Variants in SPOCK1 observed in about 807,000 individuals in gnomAD.
SPOCK1 encodes testican-1.
Under a neutral mutation model 55.3 loss-of-function variants are expected in SPOCK1, and 23 were observed. The ratio of observed to expected loss-of-function variants is 0.42; its 90% confidence interval spans 0.30 to 0.59. The LOEUF (loss-of-function observed/expected upper bound fraction) is 0.59, where lower values mean the gene tolerates loss of function less well. SPOCK1 is among the 20% of genes least tolerant of loss of function. The pLI is 0.22. For synonymous variants in SPOCK1, 226 were observed against 221.0 expected (o/e 1.02, Z -0.20); for missense variants, 499 against 552.5 (o/e 0.90, Z 0.97).
intron 2 of SPOCK1, among the ~76,000 whole-genome samples, chr5:137,311,830 T>A (rs2127142669): frequency 6.6e-6 from 1 of 152,316 alleles, no homozygotes; most frequent in African/African-American, 2.4e-5. Context: ...CTGTACCCAG[T>A]CTTTTGTAAC....
intron 5 of SPOCK1, among the ~76,000 whole-genome samples, chr5:137,074,956 G>A (rs183420880): frequency 1.8e-4 from 27 of 152,138 alleles, no homozygotes; most frequent in Non-Finnish European, 2.6e-4. Context: ...GCCCACCTCG[G>A]CCTCCCAAAG....
intron 2 of SPOCK1, among the ~76,000 whole-genome samples, chr5:137,377,723 G>T (rs764421439): frequency 6.6e-6 from 1 of 152,136 alleles, no homozygotes; most frequent in Non-Finnish European, 1.5e-5. Flanking sequence ...ATGACCATCA[G>T]CTGTAGAAGG....
chr5:137,394,576 C>G (rs182675698), intron 2 of SPOCK1, among the ~76,000 whole-genome samples: 38 of 152,340 alleles, frequency 2.5e-4, no homozygotes, highest in Non-Finnish European at 5.3e-4. Flanking sequence ...AAGCCTCCCA[C>G]AGGCTATACC....
intron 3 of SPOCK1, among the ~76,000 whole-genome samples, chr5:137,165,066 G>A (rs1400802682): frequency 6.6e-6 from 1 of 152,188 alleles, no homozygotes; most frequent in Non-Finnish European, 1.5e-5. Context: ...AGGACTTTGA[G>A]CAAACATAAG....
chr5:137,378,413 C>T (rs1379062430), intron 2 of SPOCK1, among the ~76,000 whole-genome samples: 1 of 152,228 alleles, frequency 6.6e-6, no homozygotes, highest in African/African-American at 2.4e-5. Flanking sequence ...CATAACAACT[C>T]CAGCTCCATA....
chr5:137,021,405 TA>T (rs1427565470), intron 6 of SPOCK1, among the ~76,000 whole-genome samples: 4 of 151,522 alleles, frequency 2.6e-5, no homozygotes, highest in African/African-American at 9.7e-5. Context: ...ATATGATAGT[TA>T]GCACGAAATA....
intron 2 of SPOCK1, among the ~76,000 whole-genome samples, chr5:137,402,313 C>T (rs1752000112): frequency 6.6e-6 from 1 of 152,182 alleles, no homozygotes; most frequent in South Asian, 2.1e-4. Context: ...GGTTAATATG[C>T]TTATGGCATT....
chr5:137,177,423 G>A (rs1324653547), intron 3 of SPOCK1, among the ~76,000 whole-genome samples: 2 of 152,072 alleles, frequency 1.3e-5, no homozygotes. Context: ...CAACAGCTGG[G>A]TTAAAGAGCT....
At chr5:137,148,881 A>C (rs1175867031) in intron 3 of SPOCK1, among the ~76,000 whole-genome samples, 1 of 152,178 alleles carries the variant, frequency 6.6e-6, no homozygotes, top group Non-Finnish European at 1.5e-5. Context: ...ATAACTTCTG[A>C]TGGGGATAAA....
chr5:137,133,084 C>T (rs1174214888), intron 4 of SPOCK1, among the ~76,000 whole-genome samples: 1 of 152,100 alleles, frequency 6.6e-6, no homozygotes, highest in Non-Finnish European at 1.5e-5. Context: ...AAAATGTATT[C>T]GTAGGCCAGG....
chr5:137,349,332 C>A (rs1322726534), intron 2 of SPOCK1, among the ~76,000 whole-genome samples: 1 of 152,150 alleles, frequency 6.6e-6, no homozygotes, highest in Non-Finnish European at 1.5e-5. Context: ...TTGAAAGCAT[C>A]TATTTAAATA....
At chr5:137,136,404 A>T (rs1036215301) in intron 4 of SPOCK1, among the ~76,000 whole-genome samples, 1 of 152,192 alleles carries the variant, frequency 6.6e-6, no homozygotes, top group Non-Finnish European at 1.5e-5. Flanking sequence ...AAAAAAAATT[A>T]TATCTATAAA....
chr5:137,120,539 T>C (rs920281983), intron 4 of SPOCK1, among the ~76,000 whole-genome samples: 6 of 152,178 alleles, frequency 3.9e-5, no homozygotes, highest in Non-Finnish European at 8.8e-5. Flanking sequence ...GATGAGAGGA[T>C]TGAACAGCCT....
Position 137,449,094 on chromosome 5 carries a change from C to T in SPOCK1, c.186+49279G>A, listed in dbSNP as rs1048121516. ...CTGCTAAGAAGCCAGGAAGGAGATGCTTGGCTTCAGCCCCCAGGACAGTTG... is the reference window on the plus strand; with the variant it reads ...CTGCTAAGAAGCCAGGAAGGAGATGTTTGGCTTCAGCCCCCAGGACAGTTG... On this transcript the variant is annotated intron_variant, in intron 2 of 10. Transcript: ENST00000394945. Among the ~76,000 whole-genome samples, 3 of 152,236 alleles carry T rather than the reference C, an allele frequency of 2.0e-5. 1 individual carries two copies. Among genetic ancestry groups the T allele is most frequent in the Non-Finnish European group, 2.9e-5 (2 of 68,036 alleles).
chr5:137,032,007 A>G (rs1751790029), intron 6 of SPOCK1, among the ~76,000 whole-genome samples: 1 of 147,950 alleles, frequency 6.8e-6, no homozygotes, highest in Non-Finnish European at 1.5e-5. Flanking sequence ...AATATATAAT[A>G]AAAAGAAATA....
At chr5:137,491,905 G>A (rs990868011) in intron 2 of SPOCK1, among the ~76,000 whole-genome samples, 10 of 152,126 alleles carry the variant, frequency 6.6e-5, no homozygotes, top group Non-Finnish European at 1.5e-4. Flanking sequence ...AAGGAATACT[G>A]CATAACAGTG....
intron 3 of SPOCK1, among the ~76,000 whole-genome samples, chr5:137,159,409 T>C (rs988435957): frequency 5.3e-5 from 8 of 152,152 alleles, no homozygotes; most frequent in African/African-American, 1.9e-4. Flanking sequence ...GGGATTTTGG[T>C]ACACCCATCA....
At chr5:137,329,096 G>A (rs1758127545) in intron 2 of SPOCK1, among the ~76,000 whole-genome samples, 1 of 152,140 alleles carries the variant, frequency 6.6e-6, no homozygotes, top group Non-Finnish European at 1.5e-5. Context: ...AAAGTGGACT[G>A]GCCCTCTCCA....
chr5:137,441,157 A>G (rs1428820946), intron 2 of SPOCK1, among the ~76,000 whole-genome samples: 1 of 152,248 alleles, frequency 6.6e-6, no homozygotes, highest in East Asian at 1.9e-4. Context: ...GAAGAAACTC[A>G]CCAACAGCCA....
Sources: gnomAD v4.1 joint callset for allele counts (sites outside exome capture counted in the v4.1 genomes callset) on GRCh38, gnomAD v4.1.1 for gene constraint, MANE v1.5 for transcripts, NCBI Gene and HGNC (gene_info 2026-07-23, HGNC 2026-07-21) for gene names.